Variants in SLC22A23 observed in about 807,000 individuals in gnomAD.
SLC22A23 encodes the protein solute carrier family 22 member 23.
SLC22A23 carries 26 observed loss-of-function variants against 61.0 expected under a neutral mutation model. The ratio of observed to expected loss-of-function variants is 0.43; its 90% CI spans 0.31 to 0.59. SLC22A23 has a LOEUF of 0.59. Ranked by LOEUF, SLC22A23 falls within the 20% of genes least tolerant of loss-of-function variation. SLC22A23 has a pLI of 0.11. For synonymous variants in SLC22A23, 430 were observed against 413.9 expected, an observed-to-expected ratio of 1.04 and a Z score of -0.47; for missense variants, 796 against 934.7, an observed-to-expected ratio of 0.85 and a Z score of 1.94.
At chr6:3,439,462 G>A (rs1771446940) in intron 1 of SLC22A23, 1 of 333,782 alleles carries the variant, frequency 3.0e-6, no homozygotes, top group African/African-American at 2.2e-5. Flanking sequence ...CCTACCTAAA[G>A]TTCTGAACAG....
At chr6:3,396,506 G>A (rs576924655) in intron 3 of SLC22A23, among the ~76,000 whole-genome samples, 2 of 152,196 alleles carry the variant, frequency 1.3e-5, no homozygotes, top group South Asian at 4.1e-4. Flanking sequence ...CCAAGATCGC[G>A]CCACTGCACT....
At chr6:3,290,261 A>C (rs910654549) in intron 5 of SLC22A23, 2 of 308,786 alleles carry the variant, frequency 6.5e-6, no homozygotes, top group South Asian at 5.8e-5. Context: ...AAATCTAAAC[A>C]TGCAGTTCTT....
intron 1 of SLC22A23, among the ~76,000 whole-genome samples, chr6:3,442,358 G>A (rs1339065255): frequency 6.6e-6 from 1 of 152,120 alleles, no homozygotes; most frequent in East Asian, 1.9e-4. Flanking sequence ...ACAACAATGA[G>A]GATGCACCTA....
chr6:3,393,183 GCAGCGGGGGTGACGAAAGCCT>G (rs1439902954), intron 3 of SLC22A23, among the ~76,000 whole-genome samples: 7 of 152,222 alleles, frequency 4.6e-5, no homozygotes, highest in Non-Finnish European at 1.0e-4. Flanking sequence ...TTCCACCTGA[GCAGCGGGGGTGACGAAAGCCT>G]CAGTGGACTG....
intron 3 of SLC22A23, among the ~76,000 whole-genome samples, chr6:3,394,778 C>G (rs1020293742): frequency 6.6e-6 from 1 of 152,200 alleles, no homozygotes; most frequent in African/African-American, 2.4e-5. Context: ...TTTGCACAGC[C>G]CCCACATGAT....
chr6:3,290,752 C>G (rs1760509423), intron 5 of SLC22A23: 1 of 152,626 alleles, frequency 6.6e-6, no homozygotes, highest in African/African-American at 2.4e-5. Context: ...CAGGAGCTGT[C>G]TGCTTGCACG....
chr6:3,342,190 T>C lies in SLC22A23; in HGVS notation c.914-18188A>G, dbSNP rs1287094007. 1.3e-5 allele frequency among the ~76,000 whole-genome samples: 2 copies of C among 152,144 alleles called. No individual in the cohort carries two copies. Among genetic ancestry groups the C allele is most frequent in the Non-Finnish European group, 2.9e-5 (2 of 68,022 alleles). On this transcript the variant is annotated intron_variant, in intron 3 of 9. Transcript: ENST00000406686. This position sits in a 1 kb window ranked among gnomAD's most constrained non-coding sequence, Gnocchi z 4.0. ...CGTGAAAATGAAAACTTATTCTCAG[T>C]TACCGTTTTGTTTCAAGATGGAAGC...
chr6:3,440,727 G>A (rs540070782), intron 1 of SLC22A23, among the ~76,000 whole-genome samples: 1 of 150,334 alleles, frequency 6.7e-6, no homozygotes, highest in African/African-American at 2.5e-5. Context: ...AAAAAAAGAA[G>A]AGGAGATGAG....
intron 1 of SLC22A23, among the ~76,000 whole-genome samples, chr6:3,430,498 G>A (rs1217070897): frequency 1.3e-5 from 2 of 151,964 alleles, no homozygotes; most frequent in African/African-American, 2.4e-5. Context: ...CCCCAGGAGG[G>A]ACTGCAGACC....
chr6:3,363,891 C>T (rs1324357413), intron 3 of SLC22A23, among the ~76,000 whole-genome samples: 1 of 152,212 alleles, frequency 6.6e-6, no homozygotes, highest in African/African-American at 2.4e-5. Flanking sequence ...GGGGCAGAGC[C>T]AGGGACTGGC....
In SLC22A23 at chr6:3,323,940, T is replaced by C. The variant is rs368928362; in HGVS notation, c.976A>G (p.Met326Val). The change falls in exon 4 of 10, where the codon ATG becomes GTG. Residue 326 changes from methionine to valine, a missense_variant. Coordinates refer to ENST00000406686, the MANE Select transcript of SLC22A23 (RefSeq NM_015482.2). ...MITMVASFVA[M>V]AGQFLMPGLA... ...CCAGGCATGAGGAACTGGCCCGCCA[T>C]GGCCACGAAGCTCGCCACCATCGTA... is the stretch of plus-strand genomic sequence containing the variant. The C allele has an allele frequency of 6.2e-7, 1 of 1,614,234 alleles. No individual in the cohort carries two copies. The highest frequency in any genetic ancestry group is 1.1e-5 in the South Asian group (1 of 91,084).
Position 3,456,151 on chromosome 6 carries a change from GCT to G in SLC22A23, c.407_408del (p.Glu136AlafsTer63). ...FWCRGAGKGT[E>X]LAGVTTTGRG... Reference sequence around the variant, plus strand: ...CGGCCTGTGGTGGTGACCCCTGCCAGCTCGGTGCCTTTGCCGGCCCCGCGGCA... The same window carrying G: ...CGGCCTGTGGTGGTGACCCCTGCCAGCGGTGCCTTTGCCGGCCCCGCGGCA... On this transcript the variant is annotated frameshift_variant, in exon 1 of 10. Transcript: ENST00000406686. LOFTEE classifies it high-confidence loss of function. The surrounding 1 kb of genome is among the most constrained non-coding windows in gnomAD (Gnocchi z 7.1). The G allele has an allele frequency of 1.9e-6, 3 of 1,551,256 alleles. No homozygotes were observed.
At position 3,342,876 on chromosome 6, in the gene SLC22A23, A is replaced by G. The variant is rs1764228106; in HGVS notation, c.914-18874T>C. 6.6e-6 allele frequency among the ~76,000 whole-genome samples: 1 copy of G among 152,186 alleles called. No homozygotes were observed. The highest frequency in any genetic ancestry group is 1.5e-5 in the Non-Finnish European group (1 of 68,040). Reference sequence around the variant, plus strand: ...CAGGAGAGTGCAAAAAATGGCTCAGAGAAGAGGTTGGAATTTGGGGCTTTA... The same window carrying G: ...CAGGAGAGTGCAAAAAATGGCTCAGGGAAGAGGTTGGAATTTGGGGCTTTA... On this transcript the variant is annotated intron_variant, in intron 3 of 9. Transcript: ENST00000406686. This position sits in a 1 kb window ranked among gnomAD's most constrained non-coding sequence, Gnocchi z 4.0.
chr6:3,331,801 G>C (rs1360445115), intron 3 of SLC22A23, among the ~76,000 whole-genome samples: 1 of 152,172 alleles, frequency 6.6e-6, no homozygotes, highest in Admixed American at 6.5e-5. Context: ...GCCAAGGAGA[G>C]GAACGACTTC....
intron 5 of SLC22A23, among the ~76,000 whole-genome samples, chr6:3,295,109 G>C (rs1398498264): frequency 6.6e-6 from 1 of 152,276 alleles, no homozygotes; most frequent in Non-Finnish European, 1.5e-5. Flanking sequence ...GCTGCTGGGG[G>C]CACAGAAGTG....
chr6:3,389,947 G>A (rs922260456), intron 3 of SLC22A23, among the ~76,000 whole-genome samples: 7 of 152,206 alleles, frequency 4.6e-5, no homozygotes, highest in African/African-American at 1.7e-4. Flanking sequence ...CAAAGCTGAT[G>A]TACCCATCCT....
At chr6:3,434,967 C>T (rs142651389) in intron 1 of SLC22A23, among the ~76,000 whole-genome samples, 140 of 152,252 alleles carry the variant, frequency 9.2e-4, no homozygotes, top group African/African-American at 3.2e-3. Flanking sequence ...GTCTGACTGT[C>T]ACTATATCAA....
chr6:3,406,047 A>G (rs1024661984), intron 3 of SLC22A23, among the ~76,000 whole-genome samples: 4 of 152,092 alleles, frequency 2.6e-5, no homozygotes, highest in East Asian at 1.9e-4. Context: ...TGTTGGGGGG[A>G]AAAAACCCTT....
At chr6:3,290,403 A>G (rs1157867759) in intron 5 of SLC22A23, 3 of 184,192 alleles carry the variant, frequency 1.6e-5, no homozygotes, top group Non-Finnish European at 3.4e-5. Context: ...CCCTTAGGAC[A>G]TCATATGCAT....
Sources: gnomAD v4.1 joint callset for allele counts (sites outside exome capture counted in the v4.1 genomes callset) on GRCh38, gnomAD v4.1.1 for gene constraint, Gnocchi (gnomAD v3.1) non-coding constraint, MANE v1.5 for transcripts, NCBI Gene and HGNC (gene_info 2026-07-23, HGNC 2026-07-21) for gene names.